The following FOCAD variants were observed in gnomAD, a reference collection of about 807,000 sequenced individuals.
FOCAD encodes KIAA1797.
A neutral mutation model predicts 225.6 loss-of-function variants in FOCAD; 198 were observed. The observed-to-expected ratio is 0.88, with a 90% confidence interval of 0.78 to 0.99. FOCAD has a LOEUF of 0.99. FOCAD is among the 50% of genes least tolerant of loss of function. The pLI, the probability that FOCAD is intolerant of heterozygous loss-of-function variation, is 0.00. For missense variants in FOCAD, 2,713 were observed against 2,123.6 expected (o/e 1.28, Z -5.46); for synonymous variants, 897 against 755.0 (o/e 1.19, Z -3.08).
At chr9:20,992,305 A>G (rs964808280) in intron 42 of FOCAD, among the ~76,000 whole-genome samples, 1 of 152,212 alleles carries the variant, frequency 6.6e-6, no homozygotes, top group African/African-American at 2.4e-5. Context: ...GAATTATTTT[A>G]TGCCATTTCT....
chr9:20,697,774 C>T (rs911158859), intron 1 of FOCAD, among the ~76,000 whole-genome samples: 1 of 152,172 alleles, frequency 6.6e-6, no homozygotes, highest in African/African-American at 2.4e-5. Flanking sequence ...TAAAAATGCC[C>T]TCTAGACTGA....
At chr9:20,912,788 A>G in intron 22 of FOCAD, 78 bp from the exon 23 acceptor site, 1 of 1,141,882 alleles carries the variant, frequency 8.8e-7, no homozygotes, top group Non-Finnish European at 1.3e-6. Context: ...AAAAGGATAT[A>G]TCTGTGTTTT....
chr9:20,666,422 C>G (rs368032615), intron 2 of FOCAD, among the ~76,000 whole-genome samples: 11 of 152,096 alleles, frequency 7.2e-5, no homozygotes, highest in African/African-American at 2.7e-4. Flanking sequence ...AATACGAAAA[C>G]AGCTGGAAGT....
At chr9:20,661,297 T>C (rs1474457014) in intron 2 of FOCAD, among the ~76,000 whole-genome samples, 1 of 152,176 alleles carries the variant, frequency 6.6e-6, no homozygotes, top group East Asian at 1.9e-4. Flanking sequence ...ATTGAAATTG[T>C]AGTGTCAGCA....
At chr9:20,917,324 T>G (rs535728841) in intron 24 of FOCAD, among the ~76,000 whole-genome samples, 1 of 152,132 alleles carries the variant, frequency 6.6e-6, no homozygotes, top group Non-Finnish European at 1.5e-5. Flanking sequence ...TTTTGTTCCA[T>G]TGGTGTTATT....
chr9:20,956,294 G>A (rs1838131124), intron 35 of FOCAD, among the ~76,000 whole-genome samples: 1 of 152,166 alleles, frequency 6.6e-6, no homozygotes, highest in Non-Finnish European at 1.5e-5. Context: ...CATGGAGTTG[G>A]TTGCCAAGGT....
chr9:20,758,274 T>C, intron 6 of FOCAD, 83 bp downstream of exon 6: 1 of 927,506 alleles, frequency 1.1e-6, no homozygotes, highest in Non-Finnish European at 1.6e-6. Flanking sequence ...TTTTTTTGTT[T>C]GTTTGTTTCT....
intron 4 of FOCAD, among the ~76,000 whole-genome samples, chr9:20,725,063 C>G (rs1313588159): frequency 6.6e-6 from 1 of 152,152 alleles, no homozygotes; most frequent in African/African-American, 2.4e-5. Flanking sequence ...GTCCCAGCTA[C>G]GCAGGAGGCT....
intron 16 of FOCAD, 82 bp from the exon 17 acceptor site, chr9:20,865,844 T>C (rs1829181666): frequency 1.1e-6 from 1 of 945,704 alleles, no homozygotes; most frequent in African/African-American, 1.7e-5. Flanking sequence ...GACTTAATTT[T>C]CATTATTTGC....
chr9:20,798,780 G>A lies in FOCAD; in HGVS notation c.1455+9172G>A, dbSNP rs180768653. On this transcript the variant is annotated intron_variant, in intron 11 of 43. Transcript: ENST00000338382. ...TTGCTAGTGGTCTATCAGTTTTGTTGATCTTTTCAAAAAATCTGCTCCTGG... is the reference window on the plus strand; with the variant it reads ...TTGCTAGTGGTCTATCAGTTTTGTTAATCTTTTCAAAAAATCTGCTCCTGG... 1.7e-3 allele frequency among the ~76,000 whole-genome samples: 264 copies of A among 151,918 alleles called. 3 individuals are homozygous for A. The East Asian group carries it at 0.043, about 25-fold the overall frequency.
At chr9:20,749,263 T>C (rs1828335166) in intron 5 of FOCAD, among the ~76,000 whole-genome samples, 1 of 152,176 alleles carries the variant, frequency 6.6e-6, no homozygotes, top group African/African-American at 2.4e-5. Context: ...AATCTTATGC[T>C]GTCTCTGCCT....
chr9:20,930,100 C>A (rs1835326021), intron 27 of FOCAD, among the ~76,000 whole-genome samples: 1 of 152,084 alleles, frequency 6.6e-6, no homozygotes, highest in African/African-American at 2.4e-5. Context: ...TGTGCCCTGG[C>A]CACATTTTTA....
At chr9:20,930,320 C>A (rs114433712) in intron 27 of FOCAD, among the ~76,000 whole-genome samples, 1,684 of 152,204 alleles carry the variant, frequency 0.011, 31 homozygotes, top group East Asian at 0.044. Flanking sequence ...TATTTTCTAG[C>A]AATTCTTAGA....
chr9:20,881,864 C>T lies in FOCAD; in HGVS notation c.2318-7C>T, dbSNP rs1830691996. 1 of 1,611,936 alleles carries T rather than the reference C, an allele frequency of 6.2e-7. No homozygotes were observed. Among genetic ancestry groups the T allele is most frequent in the African/African-American group, 1.3e-5 (1 of 74,796 alleles). Reference sequence around the variant, plus strand: ...TCTACTTTTGGTCTCCTTTTATCCTCTTTTAGCTTTGGAGGAATTTTTTAC... The same window carrying T: ...TCTACTTTTGGTCTCCTTTTATCCTTTTTTAGCTTTGGAGGAATTTTTTAC... On this transcript the variant is annotated splice_region_variant and splice_polypyrimidine_tract_variant and intron_variant, in intron 19 of 43. Coordinates refer to ENST00000338382, the MANE Select transcript of FOCAD (RefSeq NM_001375567.1).
At chr9:20,687,449 C>G (rs1046297697) in intron 1 of FOCAD, among the ~76,000 whole-genome samples, 2 of 152,294 alleles carry the variant, frequency 1.3e-5, no homozygotes, top group Non-Finnish European at 1.5e-5. Context: ...CAGGGTGTAT[C>G]TTTCCCTTCT....
intron 19 of FOCAD, chr9:20,875,498 G>A (rs1364472681): frequency 6.6e-6 from 1 of 151,858 alleles, no homozygotes; most frequent in African/African-American, 2.4e-5. Flanking sequence ...GGTGGCTGAG[G>A]CACAAGAATC....
intron 28 of FOCAD, among the ~76,000 whole-genome samples, chr9:20,937,844 A>G (rs1212014970): frequency 6.6e-6 from 1 of 152,246 alleles, no homozygotes; most frequent in African/African-American, 2.4e-5. Context: ...ACAAAAGGCT[A>G]ATATCCAGAA....
chr9:20,908,118 A>G (rs1048623532), intron 22 of FOCAD, among the ~76,000 whole-genome samples: 1 of 152,134 alleles, frequency 6.6e-6, no homozygotes, highest in African/African-American at 2.4e-5. Flanking sequence ...TGGGGAATAT[A>G]CAGTTAACAA....
At chr9:20,832,949 T>G (rs1161217102) in intron 15 of FOCAD, among the ~76,000 whole-genome samples, 7 of 152,112 alleles carry the variant, frequency 4.6e-5, no homozygotes, top group Admixed American at 3.9e-4. Flanking sequence ...GATATCTTTA[T>G]GAGGTAGTGA....
Sources: allele counts gnomAD v4.1 joint callset (sites outside exome capture counted in the v4.1 genomes callset), GRCh38; gene constraint gnomAD v4.1.1; transcripts MANE v1.5; gene names NCBI Gene and HGNC (gene_info 2026-07-23, HGNC 2026-07-21).